ZNF18: variants seen among roughly 807,000 people sequenced by gnomAD.
The protein encoded by ZNF18 is zinc finger protein 18.
In ZNF18, 42 loss-of-function variants were observed where a neutral mutation model predicts 58.1. The observed-to-expected ratio is 0.72, with a 90% CI of 0.56 to 0.93. The LOEUF (loss-of-function observed/expected upper bound fraction) is 0.93, where lower values mean the gene tolerates loss of function less well. ZNF18 is among the 40% of genes least tolerant of loss of function. The pLI is 0.00. For synonymous variants in ZNF18, 231 were observed against 239.8 expected, an observed-to-expected ratio of 0.96 and a Z score of 0.34; for missense variants, 540 against 644.2, an observed-to-expected ratio of 0.84 and a Z score of 1.75.
the ZNF18 span, among the ~76,000 whole-genome samples, chr17:12,014,071 T>A: frequency 1.3e-5 from 2 of 152,378 alleles, no homozygotes; most frequent in Non-Finnish European, 2.9e-5. Flanking sequence ...CATTGGATAT[T>A]GTAGATGAAA....
At chr17:12,009,775 C>T in the ZNF18 span, among the ~76,000 whole-genome samples, 38,328 of 151,880 alleles carry the variant, frequency 0.25, 5,381 homozygotes, top group Middle Eastern at 0.36. Context: ...TTAAATCATC[C>T]CTCCTTGCTC....
rs763118798 is a variant in ZNF18 at position 11,983,336 on chromosome 17, G to GTAT, written c.822_823insATA (p.Tyr274_Leu275insIle). Reference sequence around the variant, plus strand: ...CTTGGGATCTTCTCATTGACATGAAGGTATATTCCTGCCAGCTCTTCCCCA... The same window carrying GTAT: ...CTTGGGATCTTCTCATTGACATGAAGTATGTATATTCCTGCCAGCTCTTCCCCA... On this transcript the variant is annotated inframe_insertion, in exon 6 of 7. Coordinates refer to ENST00000580306, the MANE Select transcript of ZNF18 (RefSeq NM_001303281.2). 119 of 1,613,914 alleles carry GTAT rather than the reference G, an allele frequency of 7.4e-5. 1 individual carries two copies. The Middle Eastern group carries it at 8.2e-4, about 11-fold the overall frequency.
At chr17:11,989,425 T>A (rs1967958850) in intron 4 of ZNF18, among the ~76,000 whole-genome samples, 1 of 152,196 alleles carries the variant, frequency 6.6e-6, no homozygotes, top group Middle Eastern at 3.4e-3. Context: ...CCAGAACCAA[T>A]GCAGGTAGTA....
intron 4 of ZNF18, among the ~76,000 whole-genome samples, chr17:11,987,650 G>C (rs545174589): frequency 6.6e-6 from 1 of 152,272 alleles, no homozygotes; most frequent in South Asian, 2.1e-4. Flanking sequence ...AAGTTATCCA[G>C]AACAGGTGAG....
At chr17:12,002,293 A>AG (rs1968672224), upstream of ZNF18, 1 of 151,904 alleles carries the variant, frequency 6.6e-6, no homozygotes, top group South Asian at 2.1e-4. Flanking sequence ...CCAGCTACTC[A>AG]GGAGGCTGAG....
the ZNF18 span, among the ~76,000 whole-genome samples, chr17:12,014,577 T>C: frequency 6.6e-6 from 1 of 152,222 alleles, no homozygotes. Context: ...TTGTATGAAA[T>C]GTCCAGAATT....
chr17:12,005,954 T>C, the ZNF18 span, among the ~76,000 whole-genome samples: 11 of 103,296 alleles, frequency 1.1e-4, no homozygotes, highest in African/African-American at 3.9e-4. Context: ...GATCTCCCTG[T>C]TCTAGATCTG....
intron 4 of ZNF18, among the ~76,000 whole-genome samples, chr17:11,988,608 G>A (rs1430142911): frequency 6.6e-6 from 1 of 152,222 alleles, no homozygotes; most frequent in African/African-American, 2.4e-5. Flanking sequence ...ACCAGGCAAA[G>A]TGGAAAACCT....
At chr17:12,001,951 A>C (rs183230036), upstream of ZNF18, among the ~76,000 whole-genome samples, 222 of 152,240 alleles carry the variant, frequency 1.5e-3, 1 homozygote, top group Non-Finnish European at 2.4e-3. Context: ...TAAAATAAAA[A>C]TTCTGAGTTG....
At chr17:11,980,912 T>C (rs1967298320) in intron 6 of ZNF18, among the ~76,000 whole-genome samples, 1 of 152,230 alleles carries the variant, frequency 6.6e-6, no homozygotes, top group Admixed American at 6.5e-5. Context: ...TTTAAAACTA[T>C]TCTTGCATGT....
upstream of ZNF18, chr17:11,998,341 G>T (rs1341779264): frequency 2.6e-5 from 4 of 152,160 alleles, no homozygotes; most frequent in Non-Finnish European, 4.4e-5. Flanking sequence ...GAAGTATCAT[G>T]TCAAAGTTTG....
the ZNF18 span, chr17:12,021,028 C>T: frequency 8.5e-7 from 1 of 1,182,528 alleles, no homozygotes; most frequent in Non-Finnish European, 1.1e-6. Flanking sequence ...CGCCGAGATC[C>T]CAGCCCCCTA....
chr17:11,983,178 T>C, intron 6 of ZNF18, 119 bp downstream of exon 6: 1 of 693,834 alleles, frequency 1.4e-6, no homozygotes, highest in South Asian at 1.7e-5. Flanking sequence ...TCATGGCTAG[T>C]TATAACCAAC....
chr17:11,978,991 G>A (rs1967174593), intron 6 of ZNF18, among the ~76,000 whole-genome samples: 2 of 151,326 alleles, frequency 1.3e-5, no homozygotes, highest in South Asian at 4.2e-4. Flanking sequence ...CAACACAGGA[G>A]TACTCATAAA....
At chr17:11,978,901 T>C (rs562147233) in intron 6 of ZNF18, among the ~76,000 whole-genome samples, 157 bp from the exon 7 acceptor site, 1 of 135,992 alleles carries the variant, frequency 7.4e-6, no homozygotes, top group African/African-American at 2.7e-5. Flanking sequence ...AACTACCATA[T>C]GGCCCAAATG....
At chr17:12,013,981 T>C in the ZNF18 span, among the ~76,000 whole-genome samples, 59,941 of 152,076 alleles carry the variant, frequency 0.39, 12,334 homozygotes, top group East Asian at 0.62. Context: ...CGAGAGTTCA[T>C]GTTTTGGTAA....
chr17:12,000,039 G>A (rs1366986376), upstream of ZNF18, among the ~76,000 whole-genome samples: 2 of 152,130 alleles, frequency 1.3e-5, no homozygotes, highest in African/African-American at 4.8e-5. Flanking sequence ...TCCTGCCTCA[G>A]CCTCCTGAGT....
the ZNF18 span, among the ~76,000 whole-genome samples, chr17:12,010,332 GAA>G: frequency 6.6e-6 from 1 of 152,002 alleles, no homozygotes; most frequent in African/African-American, 2.4e-5. Flanking sequence ...GAGAAAAAAG[GAA>G]AAGTTTTGTG....
chr17:12,021,069 C>G, the ZNF18 span: 14 of 951,440 alleles, frequency 1.5e-5, no homozygotes, highest in African/African-American at 1.9e-4. Flanking sequence ...GCGGCCTGCC[C>G]CAGCGGACGC....
Sources: gnomAD v4.1 joint callset for allele counts (sites outside exome capture counted in the v4.1 genomes callset) on GRCh38, gnomAD v4.1.1 for gene constraint, MANE v1.5 for transcripts, NCBI Gene and HGNC (gene_info 2026-07-23, HGNC 2026-07-21) for gene names.